Variants in ARHGEF26 observed in about 807,000 individuals in gnomAD.
ARHGEF26 encodes the protein Rho guanine nucleotide exchange factor 26.
ARHGEF26 carries 59 observed loss-of-function variants against 89.4 expected under a neutral mutation model. That is an observed-to-expected ratio of 0.66 (90% CI 0.54 to 0.82). The LOEUF is 0.82. ARHGEF26 is among the 40% of genes least tolerant of loss of function. The pLI, the probability that ARHGEF26 is intolerant of heterozygous loss-of-function variation, is 0.00. For missense variants in ARHGEF26, 1,234 were observed against 1,085.6 expected (o/e 1.14, Z -1.92); for synonymous variants, 500 against 428.4 (o/e 1.17, Z -2.06).
In ARHGEF26 at chr3:154,228,696, T is replaced by G. The variant is rs151249597; in HGVS notation, c.2090+2686T>G. Among the ~76,000 whole-genome samples the G allele has an allele frequency of 6.8e-3, 1,031 of 151,620 alleles. 9 individuals are homozygous for G. Among genetic ancestry groups the G allele is most frequent in the African/African-American group, 0.024 (978 of 41,246 alleles). On this transcript the variant is annotated intron_variant, in intron 11 of 14. Coordinates refer to ENST00000465093, the MANE Select transcript of ARHGEF26 (RefSeq NM_015595.4). ...CTTCATAAACAGACTTGGTTAAAAA[T>G]GTACACTATGCCTGACCGTATTTAC...
intron 6 of ARHGEF26, among the ~76,000 whole-genome samples, chr3:154,162,161 T>C (rs1390984599): frequency 6.6e-6 from 1 of 152,202 alleles, no homozygotes; most frequent in African/African-American, 2.4e-5. Context: ...CATTTATAGC[T>C]GTGGATTTTG....
Position 154,256,851 on chromosome 3 carries a change from T to TC in ARHGEF26, c.*1378_*1379insC. ...TCTTAACTGTGAGTTTCTATAGAAC[T>TC]TTACTTTTTCCACTAGTGCACAGAG... On this transcript the variant is annotated 3_prime_UTR_variant, in exon 15 of 15. Transcript: ENST00000465093. The TC allele has an allele frequency of 8.5e-6, 13 of 1,533,246 alleles. No individual in the cohort carries two copies. The highest frequency in any genetic ancestry group is 1.1e-5 in the Non-Finnish European group (13 of 1,145,864). 95.0% of individuals were successfully genotyped at this position (1,533,246 alleles called of 1,614,324 possible). A position where few individuals can be genotyped will look rare whatever the true frequency, so the allele number is the denominator to read the frequency against.
chr3:154,237,360 G>A (rs1717177891), intron 11 of ARHGEF26, among the ~76,000 whole-genome samples: 2 of 151,972 alleles, frequency 1.3e-5, no homozygotes, highest in Admixed American at 1.3e-4. Context: ...TGGCCAACAT[G>A]GTGAAACCCT....
intron 6 of ARHGEF26, among the ~76,000 whole-genome samples, chr3:154,159,033 T>C (rs1013617556): frequency 5.3e-5 from 8 of 152,096 alleles, no homozygotes; most frequent in Admixed American, 5.3e-4. Context: ...TTAACCCTTC[T>C]CCCATATTTA....
At chr3:154,217,121 C>T (rs1254324236) in intron 9 of ARHGEF26, among the ~76,000 whole-genome samples, 1 of 151,872 alleles carries the variant, frequency 6.6e-6, no homozygotes, top group African/African-American at 2.4e-5. Context: ...CTGACTTCCA[C>T]AATGGTTGAA....
At chr3:154,235,506 G>C (rs1225811295) in intron 11 of ARHGEF26, among the ~76,000 whole-genome samples, 1 of 152,176 alleles carries the variant, frequency 6.6e-6, no homozygotes, top group Non-Finnish European at 1.5e-5. Flanking sequence ...CATCTGCAAA[G>C]AGTTAGTTGT....
intron 7 of ARHGEF26, among the ~76,000 whole-genome samples, chr3:154,188,167 G>A (rs939642444): frequency 6.6e-6 from 1 of 152,170 alleles, no homozygotes; most frequent in African/African-American, 2.4e-5. Context: ...CAATTAAGTG[G>A]TTTTCCTGAG....
Position 154,225,939 on chromosome 3 carries a change from A to G in ARHGEF26, c.2019A>G (p.Ser673=). ...TAYVEDTVLF[S]RRTSKQQVYF... is the part of the protein sequence containing the mutation. ...ATGTTGAAGACACTGTGCTTTTCTC[A>G]AGAAGGACATCCAAACAGCAAGTCT... Residue 673 remains serine, a synonymous_variant, in exon 11 of 15, where the codon TCA becomes TCG. Coordinates refer to ENST00000465093, the MANE Select transcript of ARHGEF26 (RefSeq NM_015595.4). 6.2e-7 allele frequency: 1 copy of G among 1,613,470 alleles called. No homozygotes were observed. The highest frequency in any genetic ancestry group is 8.5e-7 in the Non-Finnish European group (1 of 1,179,626).
intron 6 of ARHGEF26, among the ~76,000 whole-genome samples, chr3:154,168,260 A>G (rs1031786259): frequency 2.0e-5 from 3 of 151,874 alleles, no homozygotes; most frequent in Non-Finnish European, 4.4e-5. Context: ...TGTTTTTAGT[A>G]TGTTATATAT....
chr3:154,240,691 G>T, intron 12 of ARHGEF26, 112 bp downstream of exon 12: 1 of 939,978 alleles, frequency 1.1e-6, no homozygotes, highest in Non-Finnish European at 1.6e-6. Flanking sequence ...TTTTTGTTGA[G>T]CACCTACTGT....
chr3:154,155,077 A>C (rs923119818), intron 6 of ARHGEF26, among the ~76,000 whole-genome samples: 5 of 151,964 alleles, frequency 3.3e-5, no homozygotes, highest in African/African-American at 1.2e-4. Flanking sequence ...CTAGCAGAGT[A>C]TGTCAACAAA....
chr3:154,197,892 T>G (rs1714384320), intron 9 of ARHGEF26, among the ~76,000 whole-genome samples: 1 of 152,088 alleles, frequency 6.6e-6, no homozygotes, highest in Non-Finnish European at 1.5e-5. Context: ...AGAGATGGTC[T>G]TATGCCAAAT....
intron 11 of ARHGEF26, among the ~76,000 whole-genome samples, chr3:154,226,788 A>G (rs1716524296): frequency 6.6e-6 from 1 of 152,176 alleles, no homozygotes; most frequent in East Asian, 1.9e-4. Context: ...CTTTCCTAGA[A>G]TATGAACTTA....
In ARHGEF26 at chr3:154,227,509, C is replaced by A. The variant is rs540779591; in HGVS notation, c.2090+1499C>A. ...TGTCAGCTAGGATGGTCTCAATCTC[C>A]TGACCTCGTGATCTGCCTGCCTCAG... On this transcript the variant is annotated intron_variant, in intron 11 of 14. Coordinates refer to ENST00000465093, the MANE Select transcript of ARHGEF26 (RefSeq NM_015595.4). 8.5e-5 allele frequency among the ~76,000 whole-genome samples: 13 copies of A among 152,236 alleles called. No individual in the cohort carries two copies. The East Asian group carries it at 2.3e-3, about 27-fold the overall frequency.
At chr3:154,147,714 G>A (rs1365915714) in intron 4 of ARHGEF26, among the ~76,000 whole-genome samples, 1 of 152,212 alleles carries the variant, frequency 6.6e-6, no homozygotes, top group African/African-American at 2.4e-5. Context: ...AGGTCCCTGT[G>A]TCTGAATTTG....
At chr3:154,253,534 T>C (rs1718294806) in intron 13 of ARHGEF26, among the ~76,000 whole-genome samples, 1 of 152,238 alleles carries the variant, frequency 6.6e-6, no homozygotes, top group Non-Finnish European at 1.5e-5. Context: ...GTAAAGCCCT[T>C]AAATTTTTAG....
chr3:154,236,986 A>C (rs1308890731), intron 11 of ARHGEF26, among the ~76,000 whole-genome samples: 1 of 152,196 alleles, frequency 6.6e-6, no homozygotes, highest in African/African-American at 2.4e-5. Flanking sequence ...TTGTTCAGGC[A>C]TATTCAATGA....
At chr3:154,130,961 A>AC (rs1560041972) in intron 4 of ARHGEF26, among the ~76,000 whole-genome samples, 1 of 152,040 alleles carries the variant, frequency 6.6e-6, no homozygotes, top group African/African-American at 2.4e-5. Context: ...TTCAAGCTCT[A>AC]CCTTCCCTCT....
intron 4 of ARHGEF26, among the ~76,000 whole-genome samples, chr3:154,141,255 G>A (rs1719363450): frequency 6.6e-6 from 1 of 152,120 alleles, no homozygotes; most frequent in Non-Finnish European, 1.5e-5. Context: ...GAGAGCCACC[G>A]TGCCTGGCCT....
Sources: gnomAD v4.1 joint callset for allele counts (sites outside exome capture counted in the v4.1 genomes callset) on GRCh38, gnomAD v4.1.1 for gene constraint, MANE v1.5 for transcripts, NCBI Gene and HGNC (gene_info 2026-07-23, HGNC 2026-07-21) for gene names.